Variants in DISP3 observed in about 807,000 individuals in gnomAD.
DISP3 encodes dispatched RND transporter family member 3, also known as protein dispatched homolog 3.
A neutral mutation model predicts 135.3 loss-of-function variants in DISP3; 101 were observed. The ratio of observed to expected loss-of-function variants is 0.75; its 90% CI spans 0.64 to 0.88. The LOEUF (loss-of-function observed/expected upper bound fraction) is 0.88. DISP3 is among the 40% of genes least tolerant of loss of function. DISP3 has a pLI of 0.00. For missense variants in DISP3, 1,713 were observed against 1,878.6 expected, an observed-to-expected ratio of 0.91 and a Z score of 1.63; for synonymous variants, 856 against 817.0, an observed-to-expected ratio of 1.05 and a Z score of -0.81.
intron 1 of DISP3, among the ~76,000 whole-genome samples, chr1:11,484,043 A>C (rs895664357): frequency 1.3e-5 from 2 of 152,234 alleles, no homozygotes; most frequent in African/African-American, 4.8e-5. Flanking sequence ...TGATGCAGCC[A>C]GTAAACCTAA....
Position 11,534,947 on chromosome 1 carries a change from C to CA in DISP3, c.3536-63dup, listed in dbSNP as rs1642666961. 10 of 1,405,674 alleles carry CA rather than the reference C, an allele frequency of 7.1e-6. 1 individual carries two copies. In the South Asian group the frequency reaches 8.6e-5, roughly 12 times the overall value. 87.1% of individuals were successfully genotyped at this position (1,405,674 alleles called of 1,614,324 possible). A position where few individuals can be genotyped will look rare whatever the true frequency, so the allele number is the denominator to read the frequency against. Reference sequence around the variant, plus strand: ...TCTCAGAGAGGTCAAGGGCTCACCCCAGCAGCACAGCTTGCTGCGACCGCC... The same window carrying CA: ...TCTCAGAGAGGTCAAGGGCTCACCCCAAGCAGCACAGCTTGCTGCGACCGCC... On this transcript the variant is annotated intron_variant, in intron 18 of 20. Transcript: ENST00000294484.
intron 7 of DISP3, among the ~76,000 whole-genome samples, chr1:11,518,023 C>G (rs1259009853): frequency 6.6e-6 from 1 of 152,196 alleles, no homozygotes; most frequent in Non-Finnish European, 1.5e-5. Flanking sequence ...TCCTCAGGTT[C>G]TCATCTTTAG....
Position 11,501,348 on chromosome 1 carries a change from T to C in DISP3, c.356T>C (p.Phe119Ser), listed in dbSNP as rs1641509223. The C allele has an allele frequency of 1.9e-6, 3 of 1,613,420 alleles. No individual in the cohort carries two copies. The highest frequency in any genetic ancestry group is 2.5e-6 in the Non-Finnish European group (3 of 1,179,800). ...CGCAACCACGAGGCCTCACAGCGTT[T>C]CGACGCTCTCACTCTGGCGCTTAAG... Reference protein sequence around the residue: ...EIRNHEASQRFDALTLALKSQ... With the variant: ...EIRNHEASQRSDALTLALKSQ... The change falls in exon 2 of 21, where the codon TTC becomes TCC. Residue 119 changes from phenylalanine to serine, a missense_variant. Phe to Ser is a radical substitution (Grantham distance 155). This residue lies in a region of DISP3 where 571 missense variants were observed against 494.1 expected (regional missense o/e 1.16). Coordinates refer to ENST00000294484, the MANE Select transcript of DISP3 (RefSeq NM_020780.2). The surrounding 1 kb of genome is among the most constrained non-coding windows in gnomAD (Gnocchi z 4.9).
intron 2 of DISP3, 152 bp downstream of exon 2, chr1:11,502,240 C>T: frequency 7.8e-7 from 1 of 1,281,096 alleles, no homozygotes; most frequent in Non-Finnish European, 1.0e-6. Context: ...GTGAAAAGGG[C>T]TGGGCTCAGG....
Position 11,529,565 on chromosome 1 carries a change from C to G in DISP3, c.2808C>G (p.Tyr936Ter). Residue 936 changes from tyrosine (Y) to a stop codon, truncating the protein, a stop_gained, in exon 14 of 21, where the codon TAC becomes TAG. Coordinates refer to ENST00000294484, the MANE Select transcript of DISP3 (RefSeq NM_020780.2). LOFTEE classifies it high-confidence loss of function. This position sits in a 1 kb window ranked among gnomAD's most constrained non-coding sequence, Gnocchi z 4.7. ...TKEQQHTRKL[Y>*]FAQSHKPPFH... ...TCCATTCCCTCCACAGGAAGCTGTA[C>G]TTCGCCCAGTCCCACAAGCCCCCCT... 1 of 1,564,256 alleles carries G rather than the reference C, an allele frequency of 6.4e-7. No homozygotes were observed. The highest frequency in any genetic ancestry group is 8.7e-7 in the Non-Finnish European group (1 of 1,152,432).
At chr1:11,492,525 G>A (rs1641218023) in intron 1 of DISP3, among the ~76,000 whole-genome samples, 1 of 152,178 alleles carries the variant, frequency 6.6e-6, no homozygotes, top group Non-Finnish European at 1.5e-5. Flanking sequence ...GCTTGGACAG[G>A]CTCGCCACAG....
chr1:11,531,099 C>T lies in DISP3; in HGVS notation c.3229+66C>T, dbSNP rs1459735160. On this transcript the variant is annotated intron_variant, in intron 16 of 20. Transcript: ENST00000294484. This position sits in a 1 kb window ranked among gnomAD's most constrained non-coding sequence, Gnocchi z 5.2. ...GGACTGACTGGGGAGGCACAGAGGC[C>T]GTGGTCCAAGGTAGACAGCCCGAAG... The T allele has an allele frequency of 4.4e-6, 7 of 1,598,798 alleles. No individual in the cohort carries two copies. The highest frequency in any genetic ancestry group is 2.2e-5 in the South Asian group (2 of 90,028).
rs370782292 is a variant in DISP3, at chr1:11,519,846, G to A, written c.2166G>A (p.Leu722=). 6.2e-7 allele frequency: 1 copy of A among 1,611,808 alleles called. No homozygotes were observed. Among genetic ancestry groups the A allele is most frequent in the African/African-American group, 1.3e-5 (1 of 74,890 alleles). ...QLQELLHHWV[L]WSAVKSRWVI... The stretch of plus-strand genomic sequence containing the variant: ...AGGAGCTGCTGCACCACTGGGTCCT[G>A]TGGTCAGCCGTCAAGAGCCGCTGGG... Residue 722 remains leucine, a synonymous_variant, in exon 9 of 21, where the codon CTG becomes CTA. Transcript: ENST00000294484. The surrounding 1 kb of genome is among the most constrained non-coding windows in gnomAD (Gnocchi z 4.3).
At chr1:11,525,420 T>C in intron 12 of DISP3, 108 bp downstream of exon 12, 1 of 1,344,682 alleles carries the variant, frequency 7.4e-7, no homozygotes, top group Admixed American at 3.0e-5. Context: ...GAAGCAGCTT[T>C]GAGGATGAAG....
At chr1:11,496,310 C>CCCCG (rs1202034978) in intron 1 of DISP3, among the ~76,000 whole-genome samples, 1 of 152,120 alleles carries the variant, frequency 6.6e-6, no homozygotes, top group East Asian at 1.9e-4. Flanking sequence ...GATTCATGGG[C>CCCCG]CCCGGCAAGG....
At chr1:11,514,609 C>G in intron 4 of DISP3, 83 bp downstream of exon 4, 1 of 1,492,514 alleles carries the variant, frequency 6.7e-7, no homozygotes, top group East Asian at 2.3e-5. Context: ...AAGAATGCTG[C>G]AATACTCTTG....
chr1:11,518,485 G>A lies in DISP3; in HGVS notation c.1890-870G>A, dbSNP rs148288032. Reference sequence around the variant, plus strand: ...GGGTGCTCAGATTTGACTGTTTTCCGTGACAGTTTCATGATATAGAAGCAG... The same window carrying A: ...GGGTGCTCAGATTTGACTGTTTTCCATGACAGTTTCATGATATAGAAGCAG... On this transcript the variant is annotated intron_variant, in intron 7 of 20. Transcript: ENST00000294484. Among the ~76,000 whole-genome samples the A allele has an allele frequency of 6.6e-5, 10 of 152,342 alleles. 1 individual carries two copies. The highest frequency in any genetic ancestry group is 2.1e-4 in the South Asian group (1 of 4,828).
intron 1 of DISP3, among the ~76,000 whole-genome samples, chr1:11,498,138 A>T (rs1021637201): frequency 6.6e-6 from 1 of 152,234 alleles, no homozygotes; most frequent in African/African-American, 2.4e-5. Context: ...CTTCACTGCA[A>T]TTGTTGCAGT....
chr1:11,535,517 G>A lies in DISP3; in HGVS notation c.3689G>A (p.Gly1230Asp). The A allele has an allele frequency of 6.2e-7, 1 of 1,612,930 alleles. No individual in the cohort carries two copies. The highest frequency in any genetic ancestry group is 8.5e-7 in the Non-Finnish European group (1 of 1,179,796). ...GTGGTGACCATCATGTACTGGAGCG[G>A]CTGGGAGATGGGGGCTGTGGAAGCC... ...CLVVTIMYWS[G>D]WEMGAVEAIS... Residue 1230 changes from glycine to aspartate, a missense_variant, in exon 20 of 21, where the codon GGC becomes GAC. This residue lies in a region of DISP3 where 1,142 missense variants were observed against 1,384.6 expected (regional missense o/e 0.82). Transcript: ENST00000294484.
rs572305657 is a variant in DISP3, at chr1:11,522,064, G to A, written c.2362+1216G>A. Among the ~76,000 whole-genome samples, 7 of 152,244 alleles carry A rather than the reference G, an allele frequency of 4.6e-5. No individual in the cohort carries two copies. The South Asian group carries it at 6.2e-4, about 14-fold the overall frequency. On this transcript the variant is annotated intron_variant, in intron 10 of 20. Coordinates refer to ENST00000294484, the MANE Select transcript of DISP3 (RefSeq NM_020780.2). ...GGTGGTTTCCATAGGACTTGGTGAC[G>A]GAGTGGGAGTCGGGAATGAGCCAGG...
At chr1:11,482,357 G>A (rs1397600280) in intron 1 of DISP3, among the ~76,000 whole-genome samples, 1 of 152,202 alleles carries the variant, frequency 6.6e-6, no homozygotes, top group East Asian at 1.9e-4. Flanking sequence ...TGGGCAGTTG[G>A]TTGCTGGCCA....
At chr1:11,535,238 C>T (rs2594311) in intron 19 of DISP3, 114 bp downstream of exon 19, 90 of 1,110,832 alleles carry the variant, frequency 8.1e-5, no homozygotes, top group Middle Eastern at 2.9e-4. Context: ...CACATCTCAG[C>T]GGAGGCTCAT....
rs540656160 is a variant in DISP3, at chr1:11,536,238, G to A, written c.3817-86G>A. On this transcript the variant is annotated intron_variant, in intron 20 of 20. Coordinates refer to ENST00000294484, the MANE Select transcript of DISP3 (RefSeq NM_020780.2). The surrounding 1 kb of genome is among the most constrained non-coding windows in gnomAD (Gnocchi z 4.3). ...CCCAGTAACAGAGCAGGAACCTGGCGTGGGGTGGGGGTGCGTGATTCCCCA... is the reference window on the plus strand; with the variant it reads ...CCCAGTAACAGAGCAGGAACCTGGCATGGGGTGGGGGTGCGTGATTCCCCA... 197 of 1,496,314 alleles carry A rather than the reference G, an allele frequency of 1.3e-4. No individual in the cohort carries two copies. In the South Asian group the frequency reaches 1.4e-3, roughly 11 times the overall value. 92.7% of individuals were successfully genotyped at this position (1,496,314 alleles called of 1,614,324 possible).
Position 11,529,954 on chromosome 1 carries a change from G to T in DISP3, c.3097G>T (p.Asp1033Tyr). 6.2e-7 allele frequency: 1 copy of T among 1,612,340 alleles called. No individual in the cohort carries two copies. Among genetic ancestry groups the T allele is most frequent in the Non-Finnish European group, 8.5e-7 (1 of 1,179,960 alleles). ...GCAGGTGGACAACCACGTCATTGGA[G>T]ACCCGGTACGGGGCATGCGTCGGGC... is the stretch of plus-strand genomic sequence containing the variant. ...TRQVDNHVIG[D>Y]PGSVVYDSSF... The change falls in exon 15 of 21, where the codon GAC becomes TAC. Residue 1033 changes from aspartate (D) to tyrosine (Y), a missense_variant. This residue lies in a region of DISP3 where 1,142 missense variants were observed against 1,384.6 expected (regional missense o/e 0.82). Transcript: ENST00000294484. This position sits in a 1 kb window ranked among gnomAD's most constrained non-coding sequence, Gnocchi z 4.7.
Sources: allele counts gnomAD v4.1 joint callset (sites outside exome capture counted in the v4.1 genomes callset), GRCh38; gene constraint gnomAD v4.1.1; regional missense constraint gnomAD v4.1.1; non-coding constraint Gnocchi (gnomAD v3.1); transcripts MANE v1.5; gene names NCBI Gene and HGNC (gene_info 2026-07-23, HGNC 2026-07-21).